Variants in WWP2 observed in about 807,000 individuals in gnomAD.
WWP2 encodes the protein NEDD4-like E3 ubiquitin-protein ligase WWP2.
In WWP2, 57 loss-of-function variants were observed where a neutral mutation model predicts 121.0. That is an observed-to-expected ratio of 0.47 (90% CI 0.38 to 0.59). The LOEUF (loss-of-function observed/expected upper bound fraction) is 0.59, where lower values mean the gene tolerates loss of function less well. WWP2 is among the 20% of genes least tolerant of loss of function. The pLI, the probability that WWP2 is intolerant of heterozygous loss-of-function variation, is 0.00. For synonymous variants in WWP2, 449 were observed against 441.3 expected (o/e 1.02, Z -0.22); for missense variants, 962 against 1,158.9 (o/e 0.83, Z 2.47).
In WWP2 at chr16:69,935,780, C is replaced by G; in HGVS notation, c.1843-73C>G. On this transcript the variant is annotated intron_variant, in intron 17 of 23. Transcript: ENST00000359154. The surrounding 1 kb of genome is among the most constrained non-coding windows in gnomAD (Gnocchi z 5.2). ...GGGTAGCGGTAGCAGAGTTTGATAC[C>G]GAGCATCTGAGAGCTGGTCTTGGCA... The G allele has an allele frequency of 6.5e-7, 1 of 1,537,948 alleles. No homozygotes were observed. The highest frequency in any genetic ancestry group is 1.3e-5 in the South Asian group (1 of 77,734).
intron 1 of WWP2, chr16:69,786,013 GT>G (rs2055781248): frequency 7.2e-6 from 1 of 138,936 alleles, no homozygotes; most frequent in Non-Finnish European, 1.6e-5. Flanking sequence ...AAGGATTACT[GT>G]CAGATTCTAC....
intron 1 of WWP2, among the ~76,000 whole-genome samples, chr16:69,773,811 A>T (rs911968206): frequency 6.6e-6 from 1 of 152,128 alleles, no homozygotes; most frequent in Non-Finnish European, 1.5e-5. Flanking sequence ...ATAATTTTCT[A>T]TGCAAATTTT....
intron 6 of WWP2, among the ~76,000 whole-genome samples, chr16:69,869,133 C>T (rs988052597): frequency 3.9e-5 from 6 of 152,184 alleles, no homozygotes; most frequent in African/African-American, 1.4e-4. Flanking sequence ...GGTGATCCAC[C>T]TGCCTCAGCC....
chr16:69,780,605 A>G (rs908818796), intron 1 of WWP2, among the ~76,000 whole-genome samples: 9 of 152,168 alleles, frequency 5.9e-5, no homozygotes, highest in African/African-American at 1.7e-4. Context: ...CTTCTCTCCA[A>G]CACTAATTGT....
chr16:69,919,159 T>C (rs2058518879), intron 10 of WWP2, among the ~76,000 whole-genome samples: 1 of 152,156 alleles, frequency 6.6e-6, no homozygotes, highest in South Asian at 2.1e-4. Flanking sequence ...TAAATTTTCT[T>C]TTCTTTTCTT....
chr16:69,809,206 G>A (rs2056341835), intron 4 of WWP2, among the ~76,000 whole-genome samples: 1 of 152,252 alleles, frequency 6.6e-6, no homozygotes, highest in South Asian at 2.1e-4. Flanking sequence ...CAACAGGGCA[G>A]TGGGCTTTTT....
chr16:69,939,790 C>G (rs749403541), intron 23 of WWP2, 51 bp from the exon 24 acceptor site: 8 of 1,534,430 alleles, frequency 5.2e-6, no homozygotes, highest in Non-Finnish European at 6.2e-6. Flanking sequence ...GTGGGGCTAT[C>G]AGAGCCCTGG....
chr16:69,909,456 C>A (rs1399875861), intron 9 of WWP2: 7 of 985,534 alleles, frequency 7.1e-6, no homozygotes, highest in Non-Finnish European at 6.0e-6. Context: ...TTAGGAGAGC[C>A]CGTGTGCCCT....
At chr16:69,774,516 T>A (rs2055483233) in intron 1 of WWP2, among the ~76,000 whole-genome samples, 1 of 152,134 alleles carries the variant, frequency 6.6e-6, no homozygotes, top group African/African-American at 2.4e-5. Flanking sequence ...CTTGGCCTCC[T>A]AAGGTGCTGG....
chr16:69,874,222 C>T (rs1292036255), intron 7 of WWP2, among the ~76,000 whole-genome samples: 6 of 152,228 alleles, frequency 3.9e-5, no homozygotes, highest in Admixed American at 2.0e-4. Flanking sequence ...CTTTATATAA[C>T]GTCTGCCCCA....
rs140922526 is a variant in WWP2 at position 69,938,493 on chromosome 16, C to T, written c.2344-534C>T. Among the ~76,000 whole-genome samples, 171 of 152,262 alleles carry T rather than the reference C, an allele frequency of 1.1e-3. 2 individuals are homozygous for T. The highest frequency in any genetic ancestry group is 3.8e-3 in the African/African-American group (158 of 41,550). ...AATTAGCCAGGCATGGTGGTGGACA[C>T]CTGTAATCCCAGCTACTCGGGAAGC... On this transcript the variant is annotated intron_variant, in intron 21 of 23. Transcript: ENST00000359154.
chr16:69,863,364 G>A (rs527912005), intron 6 of WWP2, among the ~76,000 whole-genome samples: 1 of 152,298 alleles, frequency 6.6e-6, no homozygotes, highest in South Asian at 2.1e-4. Flanking sequence ...GAAAGGCTGG[G>A]CGTGATGGCT....
intron 10 of WWP2, chr16:69,924,883 G>C (rs377655113): frequency 1.1e-5 from 11 of 979,682 alleles, no homozygotes; most frequent in East Asian, 1.1e-4. Context: ...GGGAGGTTGG[G>C]GGGGACGCCG....
intron 4 of WWP2, among the ~76,000 whole-genome samples, chr16:69,807,375 C>G (rs944814494): frequency 2.6e-5 from 4 of 151,870 alleles, no homozygotes; most frequent in Non-Finnish European, 5.9e-5. Context: ...AACATGTTTG[C>G]TTTGTACTTG....
intron 1 of WWP2, chr16:69,776,135 C>CCTGT (rs1038006234): frequency 6.6e-6 from 1 of 152,150 alleles, no homozygotes; most frequent in Non-Finnish European, 1.5e-5. Context: ...TTTTAGTGGG[C>CCTGT]CTGTGTCCCA....
At chr16:69,856,877 A>G (rs562740700) in intron 6 of WWP2, among the ~76,000 whole-genome samples, 2 of 152,148 alleles carry the variant, frequency 1.3e-5, no homozygotes, top group South Asian at 2.1e-4. Flanking sequence ...TCCACTTGGC[A>G]TATTTTTTTC....
chr16:69,938,962 C>T, intron 21 of WWP2, 65 bp from the exon 22 acceptor site: 3 of 1,473,708 alleles, frequency 2.0e-6, no homozygotes, highest in South Asian at 1.2e-5. Flanking sequence ...TAGAGAGCTC[C>T]ACGTTCGGGC....
At position 69,786,997 on chromosome 16, in the gene WWP2, T is replaced by C. The variant is rs1385165389; in HGVS notation, c.-14T>C. 1.9e-6 allele frequency: 3 copies of C among 1,609,460 alleles called. No individual in the cohort carries two copies. The African/African-American group carries it at 4.0e-5, about 21-fold the overall frequency. ...TTCTTTTTTCTGTTTGTCTTACAGC[T>C]TCACGGTGATGATATGGCATCTGCC... is the stretch of plus-strand genomic sequence containing the variant. On this transcript the variant is annotated splice_region_variant and 5_prime_UTR_variant, in exon 2 of 24. Coordinates refer to ENST00000359154, the MANE Select transcript of WWP2 (RefSeq NM_001270454.2).
intron 4 of WWP2, among the ~76,000 whole-genome samples, chr16:69,805,708 T>C (rs2056261308): frequency 6.6e-6 from 1 of 151,784 alleles, no homozygotes. Context: ...CCTCCCAGGC[T>C]CAAGCAATCC....
Sources: allele counts gnomAD v4.1 joint callset (sites outside exome capture counted in the v4.1 genomes callset), GRCh38; gene constraint gnomAD v4.1.1; non-coding constraint Gnocchi (gnomAD v3.1); transcripts MANE v1.5; gene names NCBI Gene and HGNC (gene_info 2026-07-23, HGNC 2026-07-21).